Variants in TRPV5 observed in about 807,000 individuals in gnomAD.
TRPV5 encodes calcium transport protein 2.
A neutral mutation model predicts 74.1 loss-of-function variants in TRPV5; 66 were observed. That is an observed-to-expected ratio of 0.89 (90% CI 0.73 to 1.09). The LOEUF is 1.09. TRPV5 is among the 50% of genes least tolerant of loss of function. The pLI, the probability that TRPV5 is intolerant of heterozygous loss-of-function variation, is 0.00. For synonymous variants in TRPV5, 399 were observed against 360.7 expected (o/e 1.11, Z -1.20); for missense variants, 936 against 930.4 (o/e 1.01, Z -0.08).
chr7:142,912,879 T>TCTATCTAG (rs1795726631), intron 12 of TRPV5, 129 bp from the exon 13 acceptor site: 1 of 1,103,836 alleles, frequency 9.1e-7, no homozygotes, highest in Non-Finnish European at 1.3e-6. Flanking sequence ...TATCTATCTA[T>TCTATCTAG]CTAAATACAC....
At chr7:142,912,871 T>TAG (rs1795725833) in intron 12 of TRPV5, 121 bp from the exon 13 acceptor site, 3 of 1,098,320 alleles carry the variant, frequency 2.7e-6, no homozygotes, top group African/African-American at 1.6e-5. Flanking sequence ...TATCTATCTA[T>TAG]CTATCTATCT....
chr7:142,930,067 C>A lies in TRPV5; in HGVS notation c.340G>T (p.Ala114Ser). 6.2e-7 allele frequency: 1 copy of A among 1,614,056 alleles called. No individual in the cohort carries two copies. The highest frequency in any genetic ancestry group is 8.5e-7 in the Non-Finnish European group (1 of 1,179,980). ...ELVFEPTTCE[A>S]FAGQTALHIA... Reference sequence around the variant, plus strand: ...CATGTAGGCTCCTTACCTGCAAAAGCCTCACATGTGGTGGGCTCAAAGACC... The same window carrying A: ...CATGTAGGCTCCTTACCTGCAAAAGACTCACATGTGGTGGGCTCAAAGACC... The change falls in exon 3 of 15, where the codon GCT (alanine) becomes TCT (serine). Residue 114 changes from alanine to serine, a missense_variant. Physicochemically the swap from Ala to Ser is moderately conservative, Grantham distance 99. Transcript: ENST00000265310.
At chr7:142,914,390 G>A (rs1320370561) in intron 12 of TRPV5, among the ~76,000 whole-genome samples, 1 of 152,118 alleles carries the variant, frequency 6.6e-6, no homozygotes, top group Non-Finnish European at 1.5e-5. Context: ...TTGCAAGGCA[G>A]TTAGTGAACA....
chr7:142,909,663 C>A, intron 13 of TRPV5, 67 bp from the exon 14 acceptor site: 1 of 1,542,048 alleles, frequency 6.5e-7, no homozygotes, highest in Non-Finnish European at 8.8e-7. Flanking sequence ...GGCACTGAGG[C>A]CACTGATAAA....
At chr7:142,927,970 C>T in intron 7 of TRPV5, 118 bp downstream of exon 7, 1 of 1,278,280 alleles carries the variant, frequency 7.8e-7, no homozygotes, top group South Asian at 1.4e-5. Flanking sequence ...CTATTCTCAT[C>T]TCCACCTATT....
intron 12 of TRPV5, among the ~76,000 whole-genome samples, chr7:142,914,398 A>G (rs1795756034): frequency 1.3e-5 from 2 of 152,208 alleles, no homozygotes; most frequent in African/African-American, 2.4e-5. Context: ...CAGTTAGTGA[A>G]CATAAATCTT....
chr7:142,931,243 C>T (rs1013561249), intron 1 of TRPV5, among the ~76,000 whole-genome samples: 4 of 152,090 alleles, frequency 2.6e-5, no homozygotes, highest in African/African-American at 7.2e-5. Context: ...AGGCTGATCT[C>T]GAACTCCTGA....
rs143415942 is a variant in TRPV5 at position 142,908,148 on chromosome 7, C to A, written c.*366G>T. The A allele has an allele frequency of 7.7e-6, 2 of 258,300 alleles. No homozygotes were observed. The highest frequency in any genetic ancestry group is 2.2e-5 in the African/African-American group (1 of 45,710). The allele number at this position is 258,300 out of a possible 1,614,324, so 16.0% of individuals were successfully genotyped here. On this transcript the variant is annotated 3_prime_UTR_variant, in exon 15 of 15. Coordinates refer to ENST00000265310, the MANE Select transcript of TRPV5 (RefSeq NM_019841.7). The stretch of plus-strand genomic sequence containing the variant: ...TCTATGCCATGCCTGGCTCTTCCCA[C>A]GTAAGCCCTGGGGAGCCAGAAAAGC...
At chr7:142,928,019 A>T (rs901596826) in intron 7 of TRPV5, 69 bp downstream of exon 7, 18 of 1,589,600 alleles carry the variant, frequency 1.1e-5, no homozygotes, top group Non-Finnish European at 1.5e-5. Flanking sequence ...GATCTTAGTA[A>T]GTGGACAGAC....
At chr7:142,924,282 A>T (rs1297888630) in intron 8 of TRPV5, among the ~76,000 whole-genome samples, 1 of 113,420 alleles carries the variant, frequency 8.8e-6, no homozygotes, top group African/African-American at 3.4e-5. Context: ...ATATATATAC[A>T]TATACATGTA....
At chr7:142,919,911 TC>T (rs760067245) in intron 8 of TRPV5, among the ~76,000 whole-genome samples, 4 of 152,040 alleles carry the variant, frequency 2.6e-5, no homozygotes, top group African/African-American at 4.8e-5. Flanking sequence ...TAGACCTTTT[TC>T]CCCCCCATGA....
intron 1 of TRPV5, among the ~76,000 whole-genome samples, chr7:142,931,610 A>T (rs1796098021): frequency 6.6e-6 from 1 of 152,210 alleles, no homozygotes; most frequent in Non-Finnish European, 1.5e-5. Context: ...AACAGAAAGG[A>T]CAGGCCGATG....
chr7:142,911,623 C>G (rs980917791), intron 13 of TRPV5, among the ~76,000 whole-genome samples: 4 of 152,190 alleles, frequency 2.6e-5, no homozygotes, highest in African/African-American at 9.7e-5. Context: ...AAGTCATTCA[C>G]TTCATGCCCG....
chr7:142,915,360 A>G lies in TRPV5; in HGVS notation c.1233T>C (p.Gly411=), dbSNP rs752904351. ...LLEIPDIFRV[G]ASRYFGKTIL... The stretch of plus-strand genomic sequence containing the variant: ...TCGTCTTTCCAAAATAGCGAGAGGC[A>G]CCAACCCTGAAGATGTCTGGAATCT... The change falls in exon 10 of 15, where the codon GGT becomes GGC. Residue 411 remains glycine (G), a synonymous_variant. Coordinates refer to ENST00000265310, the MANE Select transcript of TRPV5 (RefSeq NM_019841.7). The G allele has an allele frequency of 1.9e-6, 3 of 1,607,494 alleles. No individual in the cohort carries two copies. The African/African-American group carries it at 4.0e-5, about 22-fold the overall frequency.
chr7:142,927,413 G>T (rs186617397), intron 7 of TRPV5, among the ~76,000 whole-genome samples: 42 of 152,286 alleles, frequency 2.8e-4, no homozygotes, highest in Admixed American at 2.6e-3. Context: ...GCTTGTATTA[G>T]TCCATTCTCA....
In TRPV5 at chr7:142,914,776, C is replaced by T. The variant is rs1795764136; in HGVS notation, c.1453-70G>A. The stretch of plus-strand genomic sequence containing the variant: ...ACTGCTTTTGAGCAGCTAACGCTAA[C>T]AGATCAAGAGGCCCCCATAGTTCTA... On this transcript the variant is annotated intron_variant, in intron 11 of 14. Coordinates refer to ENST00000265310, the MANE Select transcript of TRPV5 (RefSeq NM_019841.7). 1.9e-6 allele frequency: 3 copies of T among 1,608,314 alleles called. No individual in the cohort carries two copies. The East Asian group carries it at 6.7e-5, about 36-fold the overall frequency.
intron 8 of TRPV5, among the ~76,000 whole-genome samples, chr7:142,917,227 T>C (rs1795818157): frequency 6.6e-6 from 1 of 152,152 alleles, no homozygotes; most frequent in African/African-American, 2.4e-5. Flanking sequence ...TGTCTTTTAT[T>C]GTAAAACATG....
intron 13 of TRPV5, among the ~76,000 whole-genome samples, chr7:142,909,873 C>T (rs59770466): frequency 2.6e-5 from 4 of 152,208 alleles, no homozygotes; most frequent in African/African-American, 7.2e-5. Flanking sequence ...TCACTCCAAA[C>T]TAATCTCAAC....
At chr7:142,921,419 T>C (rs1054697607) in intron 8 of TRPV5, among the ~76,000 whole-genome samples, 64 of 152,224 alleles carry the variant, frequency 4.2e-4, no homozygotes, top group African/African-American at 1.5e-3. Flanking sequence ...ATAGCTGGGA[T>C]TACAGGTGCT....
Sources: allele counts gnomAD v4.1 joint callset (sites outside exome capture counted in the v4.1 genomes callset), GRCh38; gene constraint gnomAD v4.1.1; transcripts MANE v1.5; gene names NCBI Gene and HGNC (gene_info 2026-07-23, HGNC 2026-07-21).